The following SRBD1 variants were observed in gnomAD, a reference collection of about 807,000 sequenced individuals.
The protein encoded by SRBD1 is S1 RNA binding domain 1, also known as S1 RNA-binding domain-containing protein 1.
Under a neutral mutation model 115.3 loss-of-function variants are expected in SRBD1, and 88 were observed. The observed-to-expected ratio is 0.76, with a 90% CI of 0.64 to 0.91. The LOEUF (loss-of-function observed/expected upper bound fraction) is 0.91. Among genes scored for constraint, SRBD1 ranks in the 40% least tolerant of loss-of-function variants. The pLI is 0.00. For missense variants in SRBD1, 1,385 were observed against 1,177.4 expected (o/e 1.18, Z -2.58); for synonymous variants, 509 against 407.7 (o/e 1.25, Z -2.99).
rs188414746 is a variant in SRBD1 at position 45,574,647 on chromosome 2, C to A, written c.1149G>T (p.Thr383=). 5 of 1,613,302 alleles carry A rather than the reference C, an allele frequency of 3.1e-6. No individual in the cohort carries two copies. The highest frequency in any genetic ancestry group is 1.3e-5 in the African/African-American group (1 of 74,876). The part of the protein sequence containing the change: ...LADMIAKDKD[T]LDFIRNLCQK... ...CTCACAAGTTCCGAATGAAGTCAAG[C>A]GTGTCTTTGTCTTTAGCAATCATAT... The change falls in exon 8 of 21, where the codon ACG becomes ACT. Residue 383 remains threonine, a synonymous_variant. Coordinates refer to ENST00000263736, the MANE Select transcript of SRBD1 (RefSeq NM_018079.5).
At chr2:45,554,641 A>G (rs1184267781) in intron 10 of SRBD1, among the ~76,000 whole-genome samples, 1 of 152,198 alleles carries the variant, frequency 6.6e-6, no homozygotes, top group Non-Finnish European at 1.5e-5. Flanking sequence ...ATCACAAGCT[A>G]AAAGGACAAA....
chr2:45,591,716 G>A (rs1296751534), intron 4 of SRBD1, among the ~76,000 whole-genome samples: 1 of 152,152 alleles, frequency 6.6e-6, no homozygotes, highest in Non-Finnish European at 1.5e-5. Context: ...CCCCAACTAG[G>A]AATGTTGGGT....
intron 16 of SRBD1, among the ~76,000 whole-genome samples, chr2:45,424,347 T>A (rs1668090767): frequency 1.3e-5 from 2 of 151,916 alleles, no homozygotes; most frequent in East Asian, 3.9e-4. Context: ...CTGAATAAAT[T>A]ATTATTAAGA....
chr2:45,437,652 C>T (rs1202647002), intron 16 of SRBD1, among the ~76,000 whole-genome samples: 1 of 152,162 alleles, frequency 6.6e-6, no homozygotes, highest in African/African-American at 2.4e-5. Context: ...CACCTGAGCT[C>T]AGGAGGCGGA....
chr2:45,404,754 T>C (rs1667381947), intron 19 of SRBD1, among the ~76,000 whole-genome samples: 1 of 152,104 alleles, frequency 6.6e-6, no homozygotes, highest in South Asian at 2.1e-4. Context: ...AATCAGATCA[T>C]ATCACTCTTT....
chr2:45,520,116 A>G (rs766671668), intron 14 of SRBD1, among the ~76,000 whole-genome samples: 2 of 152,218 alleles, frequency 1.3e-5, no homozygotes, highest in Non-Finnish European at 2.9e-5. Flanking sequence ...CAATTATAAT[A>G]CTACTTAAAA....
At chr2:45,591,285 A>G (rs1460087139) in intron 4 of SRBD1, among the ~76,000 whole-genome samples, 1 of 152,198 alleles carries the variant, frequency 6.6e-6, no homozygotes, top group Non-Finnish European at 1.5e-5. Flanking sequence ...CCAGGAACTG[A>G]CTCAGCAGAA....
In SRBD1 at chr2:45,492,661, G is replaced by A. The variant is rs1019927414; in HGVS notation, c.1875-4330C>T. Among the ~76,000 whole-genome samples, 8 of 152,038 alleles carry A rather than the reference G, an allele frequency of 5.3e-5. No homozygotes were observed. The East Asian group carries it at 5.8e-4, about 11-fold the overall frequency. On this transcript the variant is annotated intron_variant, in intron 14 of 20. Transcript: ENST00000263736. ...TCACCATGTTAGCCACGATGGTCTC[G>A]ATCTCCTGACCTCGTGATCCGCCTG...
intron 16 of SRBD1, among the ~76,000 whole-genome samples, chr2:45,467,069 A>G (rs947926093): frequency 6.6e-6 from 1 of 152,234 alleles, no homozygotes; most frequent in African/African-American, 2.4e-5. Flanking sequence ...AATAAAACAC[A>G]GACTACAGGG....
chr2:45,457,683 TG>T lies in SRBD1; in HGVS notation c.2049+19309del, dbSNP rs755791652. ...ATACCCCGACAAACACTTCATGTTCTGGTAAAAACCTAAATATTAACTGTCA... is the reference window on the plus strand; with the variant it reads ...ATACCCCGACAAACACTTCATGTTCTGTAAAAACCTAAATATTAACTGTCA... On this transcript the variant is annotated intron_variant, in intron 16 of 20. Coordinates refer to ENST00000263736, the MANE Select transcript of SRBD1 (RefSeq NM_018079.5). 5.3e-5 allele frequency among the ~76,000 whole-genome samples: 8 copies of T among 152,150 alleles called. No homozygotes were observed. The South Asian group carries it at 1.2e-3, about 24-fold the overall frequency.
chr2:45,558,043 T>C (rs1483436483), intron 10 of SRBD1, among the ~76,000 whole-genome samples: 1 of 152,248 alleles, frequency 6.6e-6, no homozygotes, highest in Non-Finnish European at 1.5e-5. Flanking sequence ...CACTGGGCTT[T>C]CTTTTTTCCA....
intron 9 of SRBD1, among the ~76,000 whole-genome samples, chr2:45,563,629 A>G (rs1364142570): frequency 6.6e-6 from 1 of 152,064 alleles, no homozygotes; most frequent in Non-Finnish European, 1.5e-5. Context: ...GGCCACTACT[A>G]AGGACCTTAT....
chr2:45,580,056 A>C, intron 6 of SRBD1, 43 bp from the exon 7 acceptor site: 1 of 1,431,770 alleles, frequency 7.0e-7, no homozygotes, highest in Non-Finnish European at 9.2e-7. Flanking sequence ...GTTTTAAAAA[A>C]ACAAAAGTTA....
chr2:45,463,423 C>G (rs878951027), intron 16 of SRBD1, among the ~76,000 whole-genome samples: 1 of 152,114 alleles, frequency 6.6e-6, no homozygotes, highest in Non-Finnish European at 1.5e-5. Context: ...ACTCACACTC[C>G]AACACACATA....
intron 12 of SRBD1, among the ~76,000 whole-genome samples, chr2:45,548,162 TAAGAGACTAACTTACAA>T (rs1327461327): frequency 1.3e-5 from 2 of 150,490 alleles, no homozygotes; most frequent in African/African-American, 2.5e-5. Context: ...AAAACTGAGC[TAAGAGACTAACTTACAA>T]GTTAGGAAAA....
intron 18 of SRBD1, among the ~76,000 whole-genome samples, chr2:45,417,260 A>T (rs917129060): frequency 7.2e-5 from 11 of 152,136 alleles, no homozygotes; most frequent in Non-Finnish European, 1.5e-4. Flanking sequence ...TCTGTAATTT[A>T]TCTGGGTATA....
intron 5 of SRBD1, among the ~76,000 whole-genome samples, chr2:45,585,145 G>A (rs1037062078): frequency 1.3e-5 from 2 of 149,522 alleles, no homozygotes; most frequent in African/African-American, 2.5e-5. Flanking sequence ...GCAAGACTCT[G>A]TCTCCGAAAA....
At chr2:45,497,403 G>C (rs946585120) in intron 14 of SRBD1, among the ~76,000 whole-genome samples, 2 of 152,050 alleles carry the variant, frequency 1.3e-5, no homozygotes, top group Non-Finnish European at 2.9e-5. Flanking sequence ...GTACATAAAC[G>C]GTACCAAAAA....
intron 16 of SRBD1, among the ~76,000 whole-genome samples, chr2:45,434,877 C>T (rs553961215): frequency 6.6e-6 from 1 of 151,880 alleles, no homozygotes; most frequent in African/African-American, 2.4e-5. Flanking sequence ...CCCATTCACT[C>T]GTCATTTACA....
Sources: gnomAD v4.1 joint callset for allele counts (sites outside exome capture counted in the v4.1 genomes callset) on GRCh38, gnomAD v4.1.1 for gene constraint, MANE v1.5 for transcripts, NCBI Gene and HGNC (gene_info 2026-07-23, HGNC 2026-07-21) for gene names.